CNTN4: variants seen among roughly 807,000 people sequenced by gnomAD.
CNTN4 encodes contactin-4.
Under a neutral mutation model 122.5 loss-of-function variants are expected in CNTN4, and 77 were observed. That is an observed-to-expected ratio of 0.63 (90% CI 0.52 to 0.76). The LOEUF (loss-of-function observed/expected upper bound fraction) is 0.76. Among genes scored for constraint, CNTN4 ranks in the 30% least tolerant of loss-of-function variants. The pLI is 0.00. For synonymous variants in CNTN4, 512 were observed against 447.0 expected (o/e 1.15, Z -1.83); for missense variants, 1,256 against 1,259.1 (o/e 1.00, Z 0.04).
At chr3:2,174,983 AAAACTGGAGTTTAC>A (rs768060642) in intron 2 of CNTN4, among the ~76,000 whole-genome samples, 50 of 152,182 alleles carry the variant, frequency 3.3e-4, no homozygotes, top group Non-Finnish European at 5.9e-5. Flanking sequence ...CCCCATCTCC[AAAACTGGAGTTTAC>A]AATTCAACAT....
intron 2 of CNTN4, among the ~76,000 whole-genome samples, chr3:2,287,482 G>T (rs1299177820): frequency 6.6e-6 from 1 of 151,722 alleles, no homozygotes; most frequent in Non-Finnish European, 1.5e-5. Flanking sequence ...CACACCTGTA[G>T]TCCCAGCTAC....
chr3:2,861,120 G>A (rs1206778466), intron 7 of CNTN4, among the ~76,000 whole-genome samples: 1 of 152,120 alleles, frequency 6.6e-6, no homozygotes, highest in African/African-American at 2.4e-5. Context: ...GGTTTAGGCA[G>A]GGAAGGTATT....
chr3:2,995,252 G>A (rs770478863), intron 14 of CNTN4, among the ~76,000 whole-genome samples: 1 of 145,108 alleles, frequency 6.9e-6, no homozygotes, highest in Non-Finnish European at 1.5e-5. Context: ...TTCACAAAGC[G>A]TGTGACATAA....
Position 2,289,698 on chromosome 3 carries a change from A to G in CNTN4, c.-144-49480A>G, listed in dbSNP as rs17011920. ...GTGCTTCCCGCTTCCCCGTATAAAT[A>G]TAAGAGAAAATAAGATAATGAAGAA... On this transcript the variant is annotated intron_variant, in intron 2 of 24. Coordinates refer to ENST00000418658, the MANE Select transcript of CNTN4 (RefSeq NM_175607.3). 4.8e-3 allele frequency among the ~76,000 whole-genome samples: 726 copies of G among 152,276 alleles called. 8 individuals are homozygous for G. Among genetic ancestry groups the G allele is most frequent in the African/African-American group, 0.016 (673 of 41,566 alleles).
chr3:2,429,849 A>G (rs2047993228), intron 3 of CNTN4, among the ~76,000 whole-genome samples: 1 of 152,046 alleles, frequency 6.6e-6, no homozygotes, highest in Admixed American at 6.5e-5. Context: ...GCTAACAATA[A>G]GTGAGGCTCC....
At chr3:2,613,385 A>G (rs900160080) in intron 4 of CNTN4, among the ~76,000 whole-genome samples, 3 of 152,116 alleles carry the variant, frequency 2.0e-5, no homozygotes, top group African/African-American at 2.4e-5. Flanking sequence ...AGACTTGTGG[A>G]TGGGCCCATC....
At chr3:2,779,712 G>A (rs2091491104) in intron 6 of CNTN4, among the ~76,000 whole-genome samples, 1 of 152,066 alleles carries the variant, frequency 6.6e-6, no homozygotes, top group African/African-American at 2.4e-5. Flanking sequence ...CATACCTTGT[G>A]ACATCACATG....
chr3:2,122,246 G>T (rs1381909129), intron 2 of CNTN4, among the ~76,000 whole-genome samples: 1 of 151,934 alleles, frequency 6.6e-6, no homozygotes, highest in African/African-American at 2.4e-5. Context: ...AAAACTGTTT[G>T]CCTTTTGTCA....
At chr3:2,291,457 T>G (rs765276763) in intron 2 of CNTN4, among the ~76,000 whole-genome samples, 1 of 152,206 alleles carries the variant, frequency 6.6e-6, no homozygotes, top group South Asian at 2.1e-4. Flanking sequence ...CTCTCCCCCT[T>G]TAGATATTTG....
At chr3:2,209,651 G>C (rs1193544039) in intron 2 of CNTN4, among the ~76,000 whole-genome samples, 1 of 151,114 alleles carries the variant, frequency 6.6e-6, no homozygotes, top group East Asian at 1.9e-4. Context: ...CTGGGGAGAT[G>C]CACAGCTGAG....
At chr3:2,898,212 A>G (rs566591231) in intron 10 of CNTN4, among the ~76,000 whole-genome samples, 12 of 152,212 alleles carry the variant, frequency 7.9e-5, no homozygotes, top group Non-Finnish European at 1.3e-4. Flanking sequence ...TGTCACATAT[A>G]TAATATGATA....
intron 3 of CNTN4, among the ~76,000 whole-genome samples, chr3:2,482,225 ACTT>A (rs1174913234): frequency 6.6e-6 from 1 of 152,116 alleles, no homozygotes; most frequent in East Asian, 1.9e-4. Context: ...GAGATGAAGA[ACTT>A]CTTGGGAACT....
At chr3:3,014,882 T>TG (rs1482146492) in intron 14 of CNTN4, among the ~76,000 whole-genome samples, 1 of 134,860 alleles carries the variant, frequency 7.4e-6, no homozygotes, top group Non-Finnish European at 1.6e-5. Context: ...TCGATTGGTT[T>TG]TTTTTTTTTT....
intron 13 of CNTN4, among the ~76,000 whole-genome samples, chr3:2,982,833 G>A (rs1053346343): frequency 7.9e-5 from 12 of 152,066 alleles, no homozygotes; most frequent in African/African-American, 2.9e-4. Flanking sequence ...GAACACATTG[G>A]CATTATTTCT....
chr3:2,430,185 A>T (rs2048010886), intron 3 of CNTN4, among the ~76,000 whole-genome samples: 1 of 152,020 alleles, frequency 6.6e-6, no homozygotes, highest in Admixed American at 6.5e-5. Context: ...GCACTTTGGG[A>T]GGCCGAGGCG....
At chr3:2,211,029 TA>T (rs1018720419) in intron 2 of CNTN4, among the ~76,000 whole-genome samples, 1 of 152,094 alleles carries the variant, frequency 6.6e-6, no homozygotes, top group African/African-American at 2.4e-5. Flanking sequence ...TGAAACTGGG[TA>T]ATTTGTAAGA....
intron 2 of CNTN4, among the ~76,000 whole-genome samples, chr3:2,140,956 A>T (rs1351802387): frequency 6.6e-6 from 1 of 152,166 alleles, no homozygotes; most frequent in Non-Finnish European, 1.5e-5. Context: ...ATCCTGTTTT[A>T]TAATCTGCCA....
At position 2,418,106 on chromosome 3, in the gene CNTN4, A is replaced by T. The variant is rs564418447; in HGVS notation, c.-89+78873A>T. 2.5e-3 allele frequency among the ~76,000 whole-genome samples: 382 copies of T among 152,288 alleles called. 1 individual carries two copies. The highest frequency in any genetic ancestry group is 4.3e-3 in the Non-Finnish European group (290 of 68,012). On this transcript the variant is annotated intron_variant, in intron 3 of 24. Coordinates refer to ENST00000418658, the MANE Select transcript of CNTN4 (RefSeq NM_175607.3). ...TTTTTCCAAAACCATAGAGTGTAAA[A>T]CATAAGAGTAAACCCTAATGTAAAC...
intron 14 of CNTN4, among the ~76,000 whole-genome samples, chr3:2,997,366 T>C (rs1282052420): frequency 6.6e-6 from 1 of 152,192 alleles, no homozygotes; most frequent in Non-Finnish European, 1.5e-5. Context: ...TTAGAGGTGG[T>C]CCCATGGGGG....
Sources: gnomAD v4.1 joint callset for allele counts (sites outside exome capture counted in the v4.1 genomes callset) on GRCh38, gnomAD v4.1.1 for gene constraint, MANE v1.5 for transcripts, NCBI Gene and HGNC (gene_info 2026-07-23, HGNC 2026-07-21) for gene names.